Variants in MCIDAS observed in about 807,000 individuals in gnomAD.
MCIDAS encodes the protein multiciliate differentiation and DNA synthesis associated cell cycle protein.
Under a neutral mutation model 35.4 loss-of-function variants are expected in MCIDAS, and 23 were observed. The ratio of observed to expected loss-of-function variants is 0.65; its 90% CI spans 0.47 to 0.92. The LOEUF (loss-of-function observed/expected upper bound fraction) is 0.92. Among genes scored for constraint, MCIDAS ranks in the 40% least tolerant of loss-of-function variants. The probability of loss-of-function intolerance (pLI) is 0.00; values close to 1 mark genes in which losing one functional copy is unlikely to be tolerated. For missense variants in MCIDAS, 480 were observed against 531.8 expected, an observed-to-expected ratio of 0.90 and a Z score of 0.96; for synonymous variants, 228 against 235.2, an observed-to-expected ratio of 0.97 and a Z score of 0.28.
intron 3 of MCIDAS, among the ~76,000 whole-genome samples, chr5:55,225,369 C>T (rs1390006302): frequency 1.3e-5 from 2 of 152,212 alleles, no homozygotes; most frequent in African/African-American, 4.8e-5. Context: ...CCAATGAGAG[C>T]TGCTTGGGTT....
Position 55,220,690 on chromosome 5 carries a change from C to A in MCIDAS, c.834G>T (p.Ala278=). ...TCTCCCTCAGGATGGCGTCCACTTC[C>A]GCGCAATCCTGCCCCGCAGCGCTGA... ...ELVSAAGQDC[A]EVDAILREIS... is the part of the protein sequence containing the mutation. Residue 278 remains alanine, a synonymous_variant, in exon 7 of 7, where the codon GCG becomes GCT. Transcript: ENST00000513312. 1.3e-6 allele frequency: 2 copies of A among 1,536,086 alleles called. No individual in the cohort carries two copies. Among genetic ancestry groups the A allele is most frequent in the Non-Finnish European group, 1.7e-6 (2 of 1,146,850 alleles).
In MCIDAS at chr5:55,226,828, G is replaced by A. The variant is rs1291904548; in HGVS notation, c.217+7C>T. 3 of 1,391,538 alleles carry A rather than the reference G, an allele frequency of 2.2e-6. No individual in the cohort carries two copies. The highest frequency in any genetic ancestry group is 1.5e-5 in the African/African-American group (1 of 65,688). 86.2% of individuals were successfully genotyped at this position (1,391,538 alleles called of 1,614,324 possible). ...CCGAGGGGTAGCGTGGGTGCCACGGGGCTCACCTGGCAGCGCTGTGGGCTC... is the reference window on the plus strand; with the variant it reads ...CCGAGGGGTAGCGTGGGTGCCACGGAGCTCACCTGGCAGCGCTGTGGGCTC... On this transcript the variant is annotated splice_region_variant and intron_variant, in intron 2 of 6. Transcript: ENST00000513312.
rs1438648674 is a variant in MCIDAS at position 55,227,125 on chromosome 5, C to T, written c.14G>A (p.Gly5Glu). 4 of 1,474,890 alleles carry T rather than the reference C, an allele frequency of 2.7e-6. No individual in the cohort carries two copies. In the African/African-American group the frequency reaches 5.9e-5, roughly 22 times the overall value. 91.4% of individuals were successfully genotyped at this position (1,474,890 alleles called of 1,614,324 possible). The change falls in exon 1 of 7, where the codon GGG becomes GAG. Residue 5 changes from glycine (G) to glutamate (E), a missense_variant. Coordinates refer to ENST00000513312, the MANE Select transcript of MCIDAS (RefSeq NM_001190787.3). ...GGCCCGACGGCCGGCCGCGCCGCCC[C>T]CGCACGCCTGCATTGTGCCTCCTGC... The part of the protein sequence containing the change: MQAC[G>E]GGAAGRRAFD...
rs115043025 is a variant in MCIDAS at position 55,222,020 on chromosome 5, G to A, written c.606+156C>T. Among the ~76,000 whole-genome samples the A allele has an allele frequency of 9.0e-3, 1,371 of 152,316 alleles. 20 individuals carry two copies. Among genetic ancestry groups the A allele is most frequent in the African/African-American group, 0.031 (1,293 of 41,570 alleles). ...TTCCCACTTAACCAATTTGGAAACAGGTGGAGCCACCGGAGCAATGGCAGC... is the reference window on the plus strand; with the variant it reads ...TTCCCACTTAACCAATTTGGAAACAAGTGGAGCCACCGGAGCAATGGCAGC... On this transcript the variant is annotated intron_variant, in intron 5 of 6. Coordinates refer to ENST00000513312, the MANE Select transcript of MCIDAS (RefSeq NM_001190787.3).
chr5:55,224,584 A>G lies in MCIDAS; in HGVS notation c.310-1561T>C, dbSNP rs140450636. 4.1e-3 allele frequency among the ~76,000 whole-genome samples: 619 copies of G among 152,312 alleles called. 4 individuals are homozygous for G. Among genetic ancestry groups the G allele is most frequent in the African/African-American group, 0.014 (591 of 41,580 alleles). On this transcript the variant is annotated intron_variant, in intron 3 of 6. Coordinates refer to ENST00000513312, the MANE Select transcript of MCIDAS (RefSeq NM_001190787.3). ...CCTGGTTGAAGGGGCTCATTCTTCAATAACTGGAAGGTCTCCTCCTGGGTA... is the reference window on the plus strand; with the variant it reads ...CCTGGTTGAAGGGGCTCATTCTTCAGTAACTGGAAGGTCTCCTCCTGGGTA...
chr5:55,221,230 G>A, intron 5 of MCIDAS, 104 bp from the exon 6 acceptor site: 1 of 694,952 alleles, frequency 1.4e-6, no homozygotes, highest in Non-Finnish European at 2.4e-6. Flanking sequence ...TCAGGAACTG[G>A]GGACGCACAG....
At chr5:55,225,020 C>A (rs565664519) in intron 3 of MCIDAS, among the ~76,000 whole-genome samples, 4 of 152,010 alleles carry the variant, frequency 2.6e-5, no homozygotes, top group Admixed American at 1.3e-4. Flanking sequence ...GGTGACATGG[C>A]GAATCCCCAT....
intron 4 of MCIDAS, 44 bp downstream of exon 4, chr5:55,222,907 G>A: frequency 2.0e-6 from 3 of 1,511,346 alleles, no homozygotes; most frequent in Non-Finnish European, 2.7e-6. Flanking sequence ...TTGGGAGTGG[G>A]GGACACCCCC....
intron 5 of MCIDAS, 28 bp downstream of exon 5, chr5:55,222,148 T>C: frequency 6.5e-7 from 1 of 1,530,910 alleles, no homozygotes; most frequent in Non-Finnish European, 8.7e-7. Flanking sequence ...TGCCCCAGGA[T>C]TCCTGGTCGC....
chr5:55,225,563 C>T (rs1745441765), intron 3 of MCIDAS, among the ~76,000 whole-genome samples: 1 of 152,234 alleles, frequency 6.6e-6, no homozygotes, highest in African/African-American at 2.4e-5. Context: ...CTCTCAGCAG[C>T]CACCTAAACT....
rs1745375440 is a variant in MCIDAS at position 55,222,310 on chromosome 5, G to T, written c.472C>A (p.Pro158Thr). The change falls in exon 5 of 7, where the codon CCG (proline) becomes ACG (threonine). Residue 158 changes from proline (P) to threonine (T), a missense_variant. Physicochemically the swap from Pro to Thr is conservative, Grantham distance 38 (BLOSUM62 -1). Transcript: ENST00000513312. ...TGCAGGGCCCGTGGGTCCAGTGGCG[G>T]GGAGAGGCAGGGCCCGAATGGTGAT... ...DISPFGPCLS[P>T]PLDPRALQSP... is the part of the protein sequence containing the mutation. The T allele has an allele frequency of 6.5e-7, 1 of 1,535,566 alleles. No individual in the cohort carries two copies. The highest frequency in any genetic ancestry group is 8.7e-7 in the Non-Finnish European group (1 of 1,146,646).
intron 6 of MCIDAS, 35 bp downstream of exon 6, chr5:55,220,981 G>A (rs1162783123): frequency 3.3e-6 from 5 of 1,512,792 alleles, no homozygotes; most frequent in Non-Finnish European, 2.7e-6. Flanking sequence ...CAGTTCCGAC[G>A]TGCTGCAGTT....
In MCIDAS at chr5:55,227,155, G is replaced by C. The variant is rs1745474640; in HGVS notation, c.-17C>G. On this transcript the variant is annotated 5_prime_UTR_variant, in exon 1 of 7. Coordinates refer to ENST00000513312, the MANE Select transcript of MCIDAS (RefSeq NM_001190787.3). ...CGCCTGCATTGTGCCTCCTGCCTCC[G>C]GGTGCCGACTGCTCGGAGGCGGCGG... 1 of 1,423,294 alleles carries C rather than the reference G, an allele frequency of 7.0e-7. No individual in the cohort carries two copies. Among genetic ancestry groups the C allele is most frequent in the Non-Finnish European group, 9.1e-7 (1 of 1,097,484 alleles). 88.2% of individuals were successfully genotyped at this position (1,423,294 alleles called of 1,614,324 possible). A position where few individuals can be genotyped will look rare whatever the true frequency, so the allele number is the denominator to read the frequency against.
intron 3 of MCIDAS, 89 bp downstream of exon 3, chr5:55,226,487 G>C: frequency 7.5e-7 from 1 of 1,339,146 alleles, no homozygotes; most frequent in South Asian, 1.4e-5. Flanking sequence ...CTCCCGACCC[G>C]AGAGGAGCTT....
intron 1 of MCIDAS, 40 bp from the exon 2 acceptor site, chr5:55,226,971 GGGGC>G: frequency 6.7e-7 from 1 of 1,502,344 alleles, no homozygotes; most frequent in Non-Finnish European, 8.8e-7. Flanking sequence ...GTCAGCCCTC[GGGGC>G]ACCGAGCGCG....
At chr5:55,221,897 C>A (rs899628176) in intron 5 of MCIDAS, among the ~76,000 whole-genome samples, 1 of 151,960 alleles carries the variant, frequency 6.6e-6, no homozygotes, top group Non-Finnish European at 1.5e-5. Flanking sequence ...TGCACTCCAG[C>A]CTGGGCGACA....
In MCIDAS at chr5:55,227,261, C is replaced by T; in HGVS notation, c.-123G>A. The T allele has an allele frequency of 7.8e-7, 1 of 1,289,724 alleles. No individual in the cohort carries two copies. The highest frequency in any genetic ancestry group is 3.2e-5 in the East Asian group (1 of 31,712). The allele number at this position is 1,289,724 out of a possible 1,614,324, so 79.9% of individuals were successfully genotyped here. On this transcript the variant is annotated 5_prime_UTR_variant, in exon 1 of 7. Transcript: ENST00000513312. ...GAAGCCAGCCAGAGGTTGGGGCAGGCGCGTGACCGAGAAGGAGCCGAGGGG... is the reference window on the plus strand; with the variant it reads ...GAAGCCAGCCAGAGGTTGGGGCAGGTGCGTGACCGAGAAGGAGCCGAGGGG...
In MCIDAS at chr5:55,223,048, T is replaced by C. The variant is rs1454682453; in HGVS notation, c.310-25A>G. On this transcript the variant is annotated intron_variant, in intron 3 of 6. Transcript: ENST00000513312. The surrounding 1 kb of genome is among the most constrained non-coding windows in gnomAD (Gnocchi z 4.4). ...TCTGAAAAAAACCAGAGGTGTACAC[T>C]GGTTAACGAGTCTGGCGTTAGAAAG... 6.6e-7 allele frequency: 1 copy of C among 1,524,242 alleles called. No individual in the cohort carries two copies. Among genetic ancestry groups the C allele is most frequent in the African/African-American group, 1.4e-5 (1 of 72,934 alleles). 94.4% of individuals were successfully genotyped at this position (1,524,242 alleles called of 1,614,324 possible). A position where few individuals can be genotyped will look rare whatever the true frequency, so the allele number is the denominator to read the frequency against.
chr5:55,222,291 G>C lies in MCIDAS; in HGVS notation c.491C>G (p.Ala164Gly). 1 of 1,535,992 alleles carries C rather than the reference G, an allele frequency of 6.5e-7. No homozygotes were observed. Among genetic ancestry groups the C allele is most frequent in the Non-Finnish European group, 8.7e-7 (1 of 1,146,828 alleles). The change falls in exon 5 of 7, where the codon GCC becomes GGC. Residue 164 changes from alanine (A) to glycine (G), a missense_variant. Ala to Gly is a moderately conservative substitution (Grantham distance 60). Transcript: ENST00000513312. ...PCLSPPLDPR[A>G]LQSPPLRPPD... is the part of the protein sequence containing the mutation. The stretch of plus-strand genomic sequence containing the variant: ...AGGGCGCAGCGGTGGTGACTGCAGG[G>C]CCCGTGGGTCCAGTGGCGGGGAGAG...
Sources: allele counts gnomAD v4.1 joint callset (sites outside exome capture counted in the v4.1 genomes callset), GRCh38; gene constraint gnomAD v4.1.1; non-coding constraint Gnocchi (gnomAD v3.1); transcripts MANE v1.5; gene names NCBI Gene and HGNC (gene_info 2026-07-23, HGNC 2026-07-21).